The following GALNTL6 variants were observed in gnomAD, a reference collection of about 807,000 sequenced individuals.
GALNTL6 encodes polypeptide N-acetylgalactosaminyltransferase-like 6.
GALNTL6 carries 46 observed loss-of-function variants against 73.7 expected under a neutral mutation model. The ratio of observed to expected loss-of-function variants is 0.62; its 90% CI spans 0.49 to 0.80. GALNTL6 has a LOEUF of 0.80. GALNTL6 is among the 30% of genes least tolerant of loss of function. The pLI is 0.00. For synonymous variants in GALNTL6, 259 were observed against 263.7 expected (o/e 0.98, Z 0.17); for missense variants, 604 against 755.0 (o/e 0.80, Z 2.34).
intron 2 of GALNTL6, among the ~76,000 whole-genome samples, chr4:171,951,659 CAAAT>C (rs1420968643): frequency 6.6e-6 from 1 of 151,878 alleles, no homozygotes; most frequent in Non-Finnish European, 1.5e-5. Flanking sequence ...TTCAAAATGT[CAAAT>C]AGATAATATC....
chr4:172,880,794 C>T (rs1242401798), intron 7 of GALNTL6, among the ~76,000 whole-genome samples: 1 of 152,078 alleles, frequency 6.6e-6, no homozygotes, highest in Non-Finnish European at 1.5e-5. Context: ...TTTGTAGGAA[C>T]ATCAGTAAAG....
At chr4:172,368,975 G>A (rs1742679516) in intron 5 of GALNTL6, among the ~76,000 whole-genome samples, 1 of 152,194 alleles carries the variant, frequency 6.6e-6, no homozygotes, top group Non-Finnish European at 1.5e-5. Context: ...AGAATGAGCA[G>A]CAGCAAAATT....
intron 2 of GALNTL6, among the ~76,000 whole-genome samples, chr4:171,875,137 A>C (rs540004498): frequency 6.6e-6 from 1 of 152,312 alleles, no homozygotes; most frequent in African/African-American, 2.4e-5. Context: ...GCCTTTAGCG[A>C]TAGGTACTAT....
intron 2 of GALNTL6, among the ~76,000 whole-genome samples, chr4:171,996,417 G>A (rs116637989): frequency 0.013 from 2,050 of 151,874 alleles, 51 homozygotes; most frequent in African/African-American, 0.047. Flanking sequence ...AACATACTTA[G>A]GACCTAAGTT....
chr4:171,861,854 A>T (rs778089131), intron 2 of GALNTL6, among the ~76,000 whole-genome samples: 2 of 152,180 alleles, frequency 1.3e-5, no homozygotes, highest in Non-Finnish European at 2.9e-5. Flanking sequence ...AAAATCGCTT[A>T]TATTATTAAT....
At chr4:172,830,847 T>TAGATATG (rs1227752336) in intron 7 of GALNTL6, among the ~76,000 whole-genome samples, 3 of 151,914 alleles carry the variant, frequency 2.0e-5, no homozygotes, top group Admixed American at 6.6e-5. Context: ...GGGCCTAAAG[T>TAGATATG]AGATATGAAC....
At chr4:172,841,036 C>T (rs911711305) in intron 7 of GALNTL6, among the ~76,000 whole-genome samples, 2 of 152,206 alleles carry the variant, frequency 1.3e-5, no homozygotes, top group Non-Finnish European at 2.9e-5. Context: ...CCACCATTCT[C>T]CTTCCATAGG....
chr4:172,859,361 G>A (rs549931269), intron 7 of GALNTL6, among the ~76,000 whole-genome samples: 1 of 152,198 alleles, frequency 6.6e-6, no homozygotes, highest in African/African-American at 2.4e-5. Flanking sequence ...AAGATTGCAG[G>A]AGATTAGGTC....
intron 5 of GALNTL6, among the ~76,000 whole-genome samples, chr4:172,481,667 T>C (rs1733484249): frequency 6.6e-6 from 1 of 152,162 alleles, no homozygotes; most frequent in Admixed American, 6.5e-5. Context: ...ATAAAAGTTC[T>C]CCAAGTCCCC....
At chr4:172,066,969 A>T (rs1731383435) in intron 2 of GALNTL6, among the ~76,000 whole-genome samples, 1 of 152,036 alleles carries the variant, frequency 6.6e-6, no homozygotes, top group Admixed American at 6.6e-5. Flanking sequence ...TGGGCTATCC[A>T]TGAACGTGTG....
intron 10 of GALNTL6, among the ~76,000 whole-genome samples, chr4:172,974,312 C>T (rs1750714425): frequency 6.6e-6 from 1 of 151,860 alleles, no homozygotes; most frequent in Admixed American, 6.6e-5. Context: ...TTTCTGTCTA[C>T]CTCTCTTCCT....
intron 5 of GALNTL6, among the ~76,000 whole-genome samples, chr4:172,514,469 C>A (rs180826659): frequency 6.6e-6 from 1 of 152,270 alleles, no homozygotes; most frequent in African/African-American, 2.4e-5. Flanking sequence ...AGGCAGCCAG[C>A]GAGCAGGGCT....
At chr4:172,712,148 A>C (rs6852120) in intron 5 of GALNTL6, among the ~76,000 whole-genome samples, 146,496 of 152,116 alleles carry the variant, frequency 0.96, 70,786 homozygotes, top group East Asian at 1. Context: ...CGCCATAAAG[A>C]AAAACATTAA....
chr4:172,076,503 A>G (rs1731707944), intron 2 of GALNTL6, among the ~76,000 whole-genome samples: 1 of 152,248 alleles, frequency 6.6e-6, no homozygotes, highest in Non-Finnish European at 1.5e-5. Flanking sequence ...ACAAGAAAAC[A>G]TAAGATTCAA....
At chr4:171,814,770 T>C (rs903531783) in intron 2 of GALNTL6, 52 bp downstream of exon 2, 47 of 1,586,256 alleles carry the variant, frequency 3.0e-5, no homozygotes, top group Non-Finnish European at 3.9e-5. Context: ...GCAGTGATCC[T>C]CGCGCGGGGA....
At chr4:172,660,408 G>T (rs149853249) in intron 5 of GALNTL6, among the ~76,000 whole-genome samples, 1 of 152,174 alleles carries the variant, frequency 6.6e-6, no homozygotes, top group Non-Finnish European at 1.5e-5. Flanking sequence ...GCCCATACAC[G>T]ATCATTAGCA....
In GALNTL6 at chr4:172,391,995, T is replaced by C. The variant is rs566828407; in HGVS notation, c.553+43306T>C. Reference sequence around the variant, plus strand: ...TTAACTCAAAAAATTTTAAACAGTTTTTTTTTTCTTTGAGATGGAGTCTTG... The same window carrying C: ...TTAACTCAAAAAATTTTAAACAGTTCTTTTTTTCTTTGAGATGGAGTCTTG... On this transcript the variant is annotated intron_variant, in intron 5 of 12. Coordinates refer to ENST00000506823, the MANE Select transcript of GALNTL6 (RefSeq NM_001034845.3). 2.0e-3 allele frequency among the ~76,000 whole-genome samples: 301 copies of C among 152,300 alleles called. 1 individual carries two copies. The highest frequency in any genetic ancestry group is 6.8e-3 in the African/African-American group (284 of 41,558).
rs1251385964 is a variant in GALNTL6, at chr4:171,893,215, T to C, written c.138+78497T>C. ...AGACTGCTTCAGGAATTAATCCACA[T>C]CCATAAGGGGCAGGAATTGTTGCTG... On this transcript the variant is annotated intron_variant, in intron 2 of 12. Transcript: ENST00000506823. Among the ~76,000 whole-genome samples the C allele has an allele frequency of 2.0e-5, 3 of 152,180 alleles. No homozygotes were observed. The East Asian group carries it at 5.8e-4, about 29-fold the overall frequency.
chr4:172,853,095 C>G (rs1743924470), intron 7 of GALNTL6, among the ~76,000 whole-genome samples: 2 of 152,192 alleles, frequency 1.3e-5, no homozygotes, highest in African/African-American at 4.8e-5. Context: ...CTGAGCACAT[C>G]TTAATGGGAT....
Sources: gnomAD v4.1 joint callset for allele counts (sites outside exome capture counted in the v4.1 genomes callset) on GRCh38, gnomAD v4.1.1 for gene constraint, MANE v1.5 for transcripts, NCBI Gene and HGNC (gene_info 2026-07-23, HGNC 2026-07-21) for gene names.